The following ZNHIT6 variants were observed in gnomAD, a reference collection of about 807,000 sequenced individuals.
The protein encoded by ZNHIT6 is zinc finger HIT-type containing 6, also known as box C/D snoRNA protein 1.
In ZNHIT6, 45 loss-of-function variants were observed where a neutral mutation model predicts 57.2. The ratio of observed to expected loss-of-function variants is 0.79; its 90% CI spans 0.62 to 1.01. The LOEUF (loss-of-function observed/expected upper bound fraction) is 1.01, where lower values mean the gene tolerates loss of function less well. Among genes scored for constraint, ZNHIT6 ranks in the 50% least tolerant of loss-of-function variants. The pLI, the probability that ZNHIT6 is intolerant of heterozygous loss-of-function variation, is 0.00. For synonymous variants in ZNHIT6, 188 were observed against 190.0 expected (o/e 0.99, Z 0.09); for missense variants, 528 against 567.3 (o/e 0.93, Z 0.70).
At position 85,649,976 on chromosome 1, in the gene ZNHIT6, T is replaced by C. The variant is rs1409083122; in HGVS notation, c.*4082A>G. On this transcript the variant is annotated 3_prime_UTR_variant, in exon 10 of 10. Coordinates refer to ENST00000370574, the MANE Select transcript of ZNHIT6 (RefSeq NM_017953.4). ...CAGATTAAATCTGAACTTTACTCCTTCTGTTAGTACAAATCAGAAACTTCT... is the reference window on the plus strand; with the variant it reads ...CAGATTAAATCTGAACTTTACTCCTCCTGTTAGTACAAATCAGAAACTTCT... The C allele has an allele frequency of 6.6e-6, 1 of 152,212 alleles. No individual in the cohort carries two copies. Among genetic ancestry groups the C allele is most frequent in the Non-Finnish European group, 1.5e-5 (1 of 68,024 alleles). 9.4% of individuals were successfully genotyped at this position (152,212 alleles called of 1,614,324 possible).
intron 8 of ZNHIT6, among the ~76,000 whole-genome samples, chr1:85,665,524 T>C (rs1005096896): frequency 6.6e-6 from 1 of 152,172 alleles, no homozygotes; most frequent in African/African-American, 2.4e-5. Context: ...TTTTCTTTTT[T>C]CTTGTGATAA....
intron 5 of ZNHIT6, among the ~76,000 whole-genome samples, chr1:85,683,346 G>A (rs543694149): frequency 2.0e-4 from 31 of 152,140 alleles, no homozygotes; most frequent in African/African-American, 6.5e-4. Flanking sequence ...GTGAAACCCC[G>A]TCTCTACTAA....
chr1:85,688,111 C>T (rs747929215), intron 5 of ZNHIT6, among the ~76,000 whole-genome samples: 6 of 151,818 alleles, frequency 4.0e-5, no homozygotes, highest in East Asian at 1.9e-4. Flanking sequence ...CCAGAGAGCA[C>T]AGCAAGTAGC....
intron 8 of ZNHIT6, among the ~76,000 whole-genome samples, chr1:85,660,163 A>G (rs186611800): frequency 1.3e-5 from 2 of 152,336 alleles, no homozygotes; most frequent in East Asian, 3.9e-4. Context: ...TATATCAGAT[A>G]CCCAAGTAAA....
intron 8 of ZNHIT6, among the ~76,000 whole-genome samples, chr1:85,667,591 G>A (rs1462603289): frequency 2.0e-5 from 3 of 148,858 alleles, no homozygotes; most frequent in South Asian, 2.1e-4. Flanking sequence ...TCACTAGACT[G>A]TAAATATCAT....
rs530628229 is a variant in ZNHIT6 at position 85,656,956 on chromosome 1, A to G, written c.1372+891T>C. 3.9e-5 allele frequency among the ~76,000 whole-genome samples: 6 copies of G among 152,264 alleles called. No individual in the cohort carries two copies. In the East Asian group the frequency reaches 9.6e-4, roughly 24 times the overall value. On this transcript the variant is annotated intron_variant, in intron 9 of 9. Transcript: ENST00000370574. Reference sequence around the variant, plus strand: ...ACTTAAACTACCCATTTCAAATACTACTTAAAAAATAGTATCAATCCAAGA... The same window carrying G: ...ACTTAAACTACCCATTTCAAATACTGCTTAAAAAATAGTATCAATCCAAGA...
chr1:85,697,035 T>C (rs1480089182), intron 5 of ZNHIT6, among the ~76,000 whole-genome samples: 1 of 61,512 alleles, frequency 1.6e-5, no homozygotes, highest in Non-Finnish European at 5.1e-5. Context: ...TAATTTTTCG[T>C]ATTTTTTTTT....
chr1:85,691,309 G>A (rs1049798910), intron 5 of ZNHIT6, among the ~76,000 whole-genome samples: 4 of 152,086 alleles, frequency 2.6e-5, no homozygotes, highest in African/African-American at 9.7e-5. Flanking sequence ...CAAATACAAC[G>A]AAGATGACTT....
At chr1:85,687,146 G>A (rs1299137243) in intron 5 of ZNHIT6, among the ~76,000 whole-genome samples, 1 of 151,252 alleles carries the variant, frequency 6.6e-6, no homozygotes, top group African/African-American at 2.4e-5. Context: ...CAGGATTGGT[G>A]GCGCTCAACT....
chr1:85,680,885 G>A lies in ZNHIT6; in HGVS notation c.1039C>T (p.His347Tyr), dbSNP rs1661856652. 2 of 1,612,254 alleles carry A rather than the reference G, an allele frequency of 1.2e-6. No homozygotes were observed. Among genetic ancestry groups the A allele is most frequent in the Non-Finnish European group, 8.5e-7 (1 of 1,179,102 alleles). The change falls in exon 6 of 10, where the codon CAT becomes TAT. Residue 347 changes from histidine (H) to tyrosine (Y), a missense_variant. His to Tyr is a moderately conservative substitution (Grantham distance 83). Transcript: ENST00000370574. Reference sequence around the variant, plus strand: ...CTTTGAGGAAACTGGAGCTTCACATGCCAACAAAACTGTTGTTTTCTAAGA... The same window carrying A: ...CTTTGAGGAAACTGGAGCTTCACATACCAACAAAACTGTTGTTTTCTAAGA... ...FDKKKQQFCW[H>Y]VKLQFPQSQA...
intron 8 of ZNHIT6, 76 bp downstream of exon 8, chr1:85,677,160 T>C: frequency 9.3e-7 from 1 of 1,075,178 alleles, no homozygotes. Flanking sequence ...GTTTAATAAC[T>C]TGAGCTAATC....
chr1:85,653,787 A>G lies in ZNHIT6; in HGVS notation c.*271T>C. ...AAAAAAGTTTTCAGTTTATGGAATTAAGCAATTAAGCATATTAAAAAGCCA... is the reference window on the plus strand; with the variant it reads ...AAAAAAGTTTTCAGTTTATGGAATTGAGCAATTAAGCATATTAAAAAGCCA... On this transcript the variant is annotated 3_prime_UTR_variant, in exon 10 of 10. Transcript: ENST00000370574. 2.9e-6 allele frequency: 1 copy of G among 348,236 alleles called. No individual in the cohort carries two copies. Among genetic ancestry groups the G allele is most frequent in the East Asian group, 4.5e-5 (1 of 22,138 alleles). The allele number at this position is 348,236 out of a possible 1,614,324, so 21.6% of individuals were successfully genotyped here. A position where few individuals can be genotyped will look rare whatever the true frequency, so the allele number is the denominator to read the frequency against.
intron 5 of ZNHIT6, among the ~76,000 whole-genome samples, chr1:85,693,250 T>C (rs1386850298): frequency 2.0e-5 from 3 of 152,082 alleles, no homozygotes; most frequent in Non-Finnish European, 4.4e-5. Context: ...CAGACAGCAG[T>C]ACCAGACTTA....
intron 5 of ZNHIT6, among the ~76,000 whole-genome samples, chr1:85,687,311 AC>A (rs767684818): frequency 0.027 from 3,848 of 142,426 alleles, 510 homozygotes; most frequent in East Asian, 0.081. Flanking sequence ...AAAAAAAAAA[AC>A]AATTTAGAAC....
Position 85,667,961 on chromosome 1 carries a change from A to AAAAAAAAAAAAAAAAAAAAAATGTAT in ZNHIT6, c.1247+9274_1247+9275insATACATTTTTTTTTTTTTTTTTTTTT. On this transcript the variant is annotated intron_variant, in intron 8 of 9. Transcript: ENST00000370574. The stretch of plus-strand genomic sequence containing the variant: ...ACTCTCTCTTTCAAAAAAAAAAAAA[A>AAAAAAAAAAAAAAAAAAAAAATGTAT]ATATATATATATATATATATATATG... Among the ~76,000 whole-genome samples, 13 of 18,200 alleles carry AAAAAAAAAAAAAAAAAAAAAATGTAT rather than the reference A, an allele frequency of 7.1e-4. 4 individuals are homozygous for AAAAAAAAAAAAAAAAAAAAAATGTAT. The highest frequency in any genetic ancestry group is 2.8e-3 in the African/African-American group (13 of 4,710). 11.9% of individuals were successfully genotyped at this position (18,200 alleles called of 152,430 possible).
intron 8 of ZNHIT6, among the ~76,000 whole-genome samples, chr1:85,659,627 A>G (rs903703146): frequency 3.3e-5 from 5 of 152,220 alleles, no homozygotes; most frequent in Non-Finnish European, 5.9e-5. Context: ...AAACTTTGGT[A>G]TTTCTTAATT....
chr1:85,695,466 G>A (rs1021782609), intron 5 of ZNHIT6, among the ~76,000 whole-genome samples: 2 of 152,096 alleles, frequency 1.3e-5, no homozygotes, highest in South Asian at 4.1e-4. Context: ...TGAGGAAAAT[G>A]AGATATAGAG....
Position 85,667,961 on chromosome 1 carries a change from A to AAAAAAAAAAAAATAT in ZNHIT6, c.1247+9274_1247+9275insATATTTTTTTTTTTT. 6.4e-3 allele frequency among the ~76,000 whole-genome samples: 117 copies of AAAAAAAAAAAAATAT among 18,182 alleles called. 3 individuals are homozygous for AAAAAAAAAAAAATAT. The highest frequency in any genetic ancestry group is 0.01 in the Non-Finnish European group (104 of 10,086). 11.9% of individuals were successfully genotyped at this position (18,182 alleles called of 152,430 possible). On this transcript the variant is annotated intron_variant, in intron 8 of 9. Coordinates refer to ENST00000370574, the MANE Select transcript of ZNHIT6 (RefSeq NM_017953.4). ...ACTCTCTCTTTCAAAAAAAAAAAAAAATATATATATATATATATATATATG... is the reference window on the plus strand; with the variant it reads ...ACTCTCTCTTTCAAAAAAAAAAAAAAAAAAAAAAAAAATATATATATATATATATATATATATATG...
chr1:85,682,160 C>T (rs573621169), intron 5 of ZNHIT6, among the ~76,000 whole-genome samples: 249 of 148,422 alleles, frequency 1.7e-3, no homozygotes, highest in Admixed American at 4.4e-3. Context: ...TACAGGTGCT[C>T]GCCACCACGC....
Sources: allele counts gnomAD v4.1 joint callset (sites outside exome capture counted in the v4.1 genomes callset), GRCh38; gene constraint gnomAD v4.1.1; transcripts MANE v1.5; gene names NCBI Gene and HGNC (gene_info 2026-07-23, HGNC 2026-07-21).